The following RPL31 variants were observed in gnomAD, a reference collection of about 807,000 sequenced individuals.
RPL31 encodes ribosomal protein L31.
For synonymous variants in RPL31, 51 were observed against 55.0 expected (o/e 0.93, Z 0.32); for missense variants, 95 against 164.0 (o/e 0.58, Z 2.30).
exon 5 of RPL31, chr2:101,019,007 T>C (rs1553398215): frequency 1.2e-6 from 2 of 1,612,720 alleles, no homozygotes; most frequent in South Asian, 2.2e-5. Context: ...GTTTCTGTGC[T>C]AAACAGTGTT....
intron 4 of RPL31, chr2:101,018,943 T>C: frequency 5.0e-6 from 8 of 1,592,866 alleles, no homozygotes; most frequent in Non-Finnish European, 3.4e-6. Context: ...GGAATGCTCT[T>C]CGTCTGTGTG....
chr2:101,014,830 T>C (rs566082472), intron 4 of RPL31, among the ~76,000 whole-genome samples: 1 of 152,332 alleles, frequency 6.6e-6, no homozygotes, highest in Non-Finnish European at 1.5e-5. Context: ...GGGTATAACT[T>C]GAGTGCCAAA....
chr2:101,011,677 A>T, downstream of RPL31: 1 of 762,844 alleles, frequency 1.3e-6, no homozygotes, highest in Non-Finnish European at 2.2e-6. Context: ...AGGGTCCACG[A>T]ACCCAAATGC....
intron 1 of RPL31, 74 bp downstream of exon 1, chr2:101,002,389 C>T (rs780378265): frequency 3.4e-5 from 13 of 381,490 alleles, no homozygotes; most frequent in Non-Finnish European, 6.3e-5. Context: ...TAACTGGGAC[C>T]GCAAAATCTC....
chr2:101,009,568 G>A (rs1234607974), downstream of RPL31, among the ~76,000 whole-genome samples: 2 of 152,034 alleles, frequency 1.3e-5, no homozygotes, highest in African/African-American at 4.8e-5. Context: ...GTATCAGAAT[G>A]TTAATACTGA....
chr2:101,002,925 C>T (rs1274175203), intron 2 of RPL31, 117 bp downstream of exon 2: 3 of 733,124 alleles, frequency 4.1e-6, no homozygotes, highest in Admixed American at 4.7e-5. Flanking sequence ...CTGTTTCATT[C>T]ATTGGCAATT....
At chr2:101,012,656 T>A (rs1679312295) in intron 4 of RPL31, among the ~76,000 whole-genome samples, 1 of 151,842 alleles carries the variant, frequency 6.6e-6, no homozygotes, top group Admixed American at 6.6e-5. Flanking sequence ...AATTGTACGC[T>A]TTAAACGGGT....
At chr2:101,006,250 T>C in intron 4 of RPL31, 100 bp from the exon 5 acceptor site, 1 of 1,539,048 alleles carries the variant, frequency 6.5e-7, no homozygotes, top group South Asian at 1.3e-5. Context: ...GTAAAAAGGT[T>C]GTGGAAAATA....
intron 4 of RPL31, among the ~76,000 whole-genome samples, chr2:101,016,931 G>T (rs538535830): frequency 6.6e-6 from 1 of 152,030 alleles, no homozygotes; most frequent in South Asian, 2.1e-4. Flanking sequence ...GTGTGGGGTT[G>T]GGGGGATGGG....
At chr2:101,003,678 A>G (rs979909202) in intron 2 of RPL31, among the ~76,000 whole-genome samples, 4 of 152,218 alleles carry the variant, frequency 2.6e-5, no homozygotes, top group South Asian at 4.1e-4. Context: ...AGCGCTAACT[A>G]CTGCCATTCA....
chr2:101,002,547 G>C (rs1181436691), intron 1 of RPL31, 155 bp from the exon 2 acceptor site: 1 of 647,066 alleles, frequency 1.5e-6, no homozygotes, highest in South Asian at 1.9e-5. Flanking sequence ...AGGGGCGCAG[G>C]GGCGCGGGTG....
chr2:101,006,400 A>T lies in RPL31; in HGVS notation c.*19A>T, dbSNP rs1678739160. ...GAACTAATCGCTGATCGTCAGATCA[A>T]ATAAAGTTATAAAATTGCCTTCATG... On this transcript the variant is annotated 3_prime_UTR_variant, in exon 5 of 5. Transcript: ENST00000264258. 6.2e-7 allele frequency: 1 copy of T among 1,607,086 alleles called. No individual in the cohort carries two copies. The highest frequency in any genetic ancestry group is 8.5e-7 in the Non-Finnish European group (1 of 1,177,666).
At chr2:101,010,917 G>C, downstream of RPL31, 1 of 1,589,406 alleles carries the variant, frequency 6.3e-7, no homozygotes. Flanking sequence ...CTGCACTGAA[G>C]AAAGTCCATA....
intron 3 of RPL31, 80 bp from the exon 4 acceptor site, chr2:101,005,879 A>G: frequency 2.6e-6 from 3 of 1,174,836 alleles, no homozygotes; most frequent in Non-Finnish European, 3.8e-6. Flanking sequence ...AAGCAGGCAT[A>G]TGAGATATGT....
Position 101,004,243 on chromosome 2 carries a change from G to A in RPL31, c.193G>A (p.Asp65Asn). Residue 65 changes from aspartate to asparagine, a missense_variant, in exon 3 of 5, where the codon GAC (aspartate) becomes AAC (asparagine). Asp to Asn is a conservative substitution (Grantham distance 23, BLOSUM62 1). Transcript: ENST00000264258. ...KEMGTPDVRI[D>N]TRLNKAVWAK... ...GATGGGAACTCCAGATGTGCGCATTGACACCAGGCTCAACAAAGCTGTCTG... is the reference window on the plus strand; with the variant it reads ...GATGGGAACTCCAGATGTGCGCATTAACACCAGGCTCAACAAAGCTGTCTG... 6.2e-7 allele frequency: 1 copy of A among 1,614,150 alleles called. No homozygotes were observed. The highest frequency in any genetic ancestry group is 8.5e-7 in the Non-Finnish European group (1 of 1,180,030).
intron 2 of RPL31, 138 bp from the exon 3 acceptor site, chr2:101,004,020 G>A: frequency 2.2e-6 from 2 of 921,022 alleles, no homozygotes; most frequent in Non-Finnish European, 3.3e-6. Context: ...ACTGTATGCT[G>A]TAAAAACTTG....
chr2:101,009,117 G>C (rs1254364410), downstream of RPL31, among the ~76,000 whole-genome samples: 1 of 152,122 alleles, frequency 6.6e-6, no homozygotes, highest in Non-Finnish European at 1.5e-5. Flanking sequence ...GGTATGGCCG[G>C]GTGCGGTGGC....
chr2:101,015,230 A>C (rs72976857), intron 4 of RPL31, among the ~76,000 whole-genome samples: 4,544 of 152,264 alleles, frequency 0.03, 241 homozygotes, highest in African/African-American at 0.1. Context: ...TGCTATAAAA[A>C]TATGGTATAA....
At chr2:101,010,920 A>G (rs775721540), downstream of RPL31, 5 of 1,607,462 alleles carry the variant, frequency 3.1e-6, no homozygotes, top group South Asian at 4.4e-5. Flanking sequence ...CACTGAAGAA[A>G]GTCCATACCT....
Sources: allele counts gnomAD v4.1 joint callset (sites outside exome capture counted in the v4.1 genomes callset), GRCh38; gene constraint gnomAD v4.1.1; transcripts MANE v1.5; gene names NCBI Gene and HGNC (gene_info 2026-07-23, HGNC 2026-07-21).